The following CLEC16A variants were observed in gnomAD, a reference collection of about 807,000 sequenced individuals.
CLEC16A encodes the protein protein CLEC16A.
CLEC16A carries 51 observed loss-of-function variants against 109.5 expected under a neutral mutation model. The ratio of observed to expected loss-of-function variants is 0.47; its 90% CI spans 0.37 to 0.59. The LOEUF (loss-of-function observed/expected upper bound fraction) is 0.59, where lower values mean the gene tolerates loss of function less well. CLEC16A is among the 20% of genes least tolerant of loss of function. The pLI, the probability that CLEC16A is intolerant of heterozygous loss-of-function variation, is 0.00. For missense variants in CLEC16A, 1,339 were observed against 1,394.0 expected, an observed-to-expected ratio of 0.96 and a Z score of 0.63; for synonymous variants, 673 against 564.2, an observed-to-expected ratio of 1.19 and a Z score of -2.73.
intron 10 of CLEC16A, among the ~76,000 whole-genome samples, chr16:10,990,688 G>T (rs1274878863): frequency 6.6e-6 from 1 of 152,238 alleles, no homozygotes; most frequent in South Asian, 2.1e-4. Context: ...TATCTGTCCT[G>T]CAGTGTGTGA....
rs751260951 is a variant in CLEC16A at position 11,039,756 on chromosome 16, A to C, written c.1540A>C (p.Met514Leu). 1 of 1,598,454 alleles carries C rather than the reference A, an allele frequency of 6.3e-7. No homozygotes were observed. Among genetic ancestry groups the C allele is most frequent in the East Asian group, 2.3e-5 (1 of 44,166 alleles). ...TACATCCTTCTCCTCTGTTCCAGGCATGGATCCTGAAAAATTAGAGCGAAT... is the reference window on the plus strand; with the variant it reads ...TACATCCTTCTCCTCTGTTCCAGGCCTGGATCCTGAAAAATTAGAGCGAAT... ...LLYAMSHNKG[M>L]DPEKLERIQL... Residue 514 changes from methionine (M) to leucine (L), a missense_variant and splice_region_variant, in exon 14 of 24, where the codon ATG becomes CTG. By Grantham distance (15) the Met-to-Leu change is conservative (BLOSUM62 2). Coordinates refer to ENST00000409790, the MANE Select transcript of CLEC16A (RefSeq NM_015226.3).
rs373337818 is a variant in CLEC16A, at chr16:10,972,012, A to G, written c.599-542A>G. Among the ~76,000 whole-genome samples, 7 of 152,344 alleles carry G rather than the reference A, an allele frequency of 4.6e-5. No homozygotes were observed. In the South Asian group the frequency reaches 1.4e-3, roughly 32 times the overall value. On this transcript the variant is annotated intron_variant, in intron 5 of 23. Transcript: ENST00000409790. ...CACTCCAGCCTAGCACTGGGCTTAC[A>G]TTAAATTTAAGAACCTTTCTAAGAG...
rs771304504 is a variant in CLEC16A at position 11,003,082 on chromosome 16, C to G, written c.1080C>G (p.Pro360=). ...EQDIQRSSAK[P]SIRCFIKPTE... ...TCGTTGGACTTTCCTAGGCCAAGCC[C>G]AGCATTCGGTGCTTCATTAAACCCA... Residue 360 remains proline (P), a synonymous_variant, in exon 11 of 24, where the codon CCC becomes CCG. Transcript: ENST00000409790. 11 of 1,610,380 alleles carry G rather than the reference C, an allele frequency of 6.8e-6. No individual in the cohort carries two copies. The highest frequency in any genetic ancestry group is 9.3e-6 in the Non-Finnish European group (11 of 1,178,902).
intron 18 of CLEC16A, 122 bp from the exon 19 acceptor site, chr16:11,060,780 G>A (rs2048438704): frequency 2.0e-6 from 2 of 1,024,828 alleles, no homozygotes; most frequent in South Asian, 2.2e-5. Flanking sequence ...CCGAAGAGGT[G>A]GGCTTTATTG....
intron 22 of CLEC16A, among the ~76,000 whole-genome samples, chr16:11,144,376 C>T (rs2053966479): frequency 6.6e-6 from 1 of 152,168 alleles, no homozygotes; most frequent in Non-Finnish European, 1.5e-5. Flanking sequence ...TCCAGGCAGA[C>T]AGCTGTGTTC....
At chr16:11,169,205 C>T (rs1398950604) in intron 23 of CLEC16A, among the ~76,000 whole-genome samples, 1 of 152,214 alleles carries the variant, frequency 6.6e-6, no homozygotes, top group African/African-American at 2.4e-5. Flanking sequence ...AGGAAGCTCC[C>T]TTTTGTAGAG....
At chr16:11,004,771 G>T (rs1371314279) in intron 11 of CLEC16A, among the ~76,000 whole-genome samples, 1 of 152,084 alleles carries the variant, frequency 6.6e-6, no homozygotes, top group Non-Finnish European at 1.5e-5. Flanking sequence ...GTGCCACCGA[G>T]ACCTCTTTTT....
intron 19 of CLEC16A, among the ~76,000 whole-genome samples, chr16:11,119,425 G>A (rs759228613): frequency 1.4e-4 from 22 of 152,122 alleles, no homozygotes; most frequent in Non-Finnish European, 2.6e-4. Context: ...CCAGGTCTCT[G>A]TCATCCAGGC....
rs753891555 is a variant in CLEC16A at position 11,083,133 on chromosome 16, T to TTTG, written c.2116+22129_2116+22131dup. 5.3e-3 allele frequency among the ~76,000 whole-genome samples: 791 copies of TTTG among 150,148 alleles called. 6 individuals carry two copies. Among genetic ancestry groups the TTTG allele is most frequent in the Non-Finnish European group, 7.9e-3 (535 of 67,628 alleles). On this transcript the variant is annotated intron_variant, in intron 19 of 23. Coordinates refer to ENST00000409790, the MANE Select transcript of CLEC16A (RefSeq NM_015226.3). ...GTAGGGGGATTGAGGTTTTGTTTGTTTTGTTGTTGTTGTTGTTGTTTGTTT... is the reference window on the plus strand; with the variant it reads ...GTAGGGGGATTGAGGTTTTGTTTGTTTTGTTGTTGTTGTTGTTGTTGTTTGTTT...
intron 18 of CLEC16A, among the ~76,000 whole-genome samples, chr16:11,056,065 A>T (rs1477559160): frequency 6.6e-6 from 1 of 152,230 alleles, no homozygotes; most frequent in Non-Finnish European, 1.5e-5. Flanking sequence ...AGGGAAATTC[A>T]TGTTGAAATG....
intron 10 of CLEC16A, among the ~76,000 whole-genome samples, chr16:11,002,561 T>C (rs781096378): frequency 5.3e-5 from 8 of 152,206 alleles, no homozygotes; most frequent in Non-Finnish European, 1.2e-4. Context: ...ATGTATTGCA[T>C]TGTGGTGAAG....
chr16:11,130,929 T>G (rs2053164685), intron 22 of CLEC16A, among the ~76,000 whole-genome samples: 1 of 152,250 alleles, frequency 6.6e-6, no homozygotes, highest in Non-Finnish European at 1.5e-5. Flanking sequence ...GATGAAAATA[T>G]GCCTTTCATT....
At chr16:11,075,474 T>C (rs544043110) in intron 19 of CLEC16A, among the ~76,000 whole-genome samples, 26 of 151,892 alleles carry the variant, frequency 1.7e-4, no homozygotes, top group Admixed American at 7.9e-4. Flanking sequence ...TGTCACTTTG[T>C]TGCTTTGGCT....
At position 10,978,698 on chromosome 16, in the gene CLEC16A, G is replaced by A. The variant is rs1027931515; in HGVS notation, c.904-631G>A. Among the ~76,000 whole-genome samples, 6 of 152,170 alleles carry A rather than the reference G, an allele frequency of 3.9e-5. No individual in the cohort carries two copies. In the East Asian group the frequency reaches 7.7e-4, roughly 20 times the overall value. ...GAGAAGACTATAAAGGTGAATAAGC[G>A]CCTTAGCTTTACCAGAGGCAGCTCT... On this transcript the variant is annotated intron_variant, in intron 8 of 23. Transcript: ENST00000409790.
intron 23 of CLEC16A, among the ~76,000 whole-genome samples, chr16:11,173,959 T>TG (rs35449678): frequency 6.6e-6 from 1 of 152,074 alleles, no homozygotes; most frequent in Non-Finnish European, 1.5e-5. Flanking sequence ...GGGGGTTGCA[T>TG]GGGGGGTGTC....
intron 19 of CLEC16A, among the ~76,000 whole-genome samples, chr16:11,067,401 C>T (rs984885154): frequency 4.6e-5 from 7 of 151,438 alleles, no homozygotes; most frequent in Non-Finnish European, 8.8e-5. Flanking sequence ...AGGAGGGGCC[C>T]ATTTGAGGGC....
At chr16:11,017,282 C>G (rs983175023) in intron 11 of CLEC16A, among the ~76,000 whole-genome samples, 1 of 152,172 alleles carries the variant, frequency 6.6e-6, no homozygotes, top group Non-Finnish European at 1.5e-5. Context: ...CTGTGCCAGA[C>G]ACTGGATTAG....
At chr16:11,049,626 G>A (rs948399500) in intron 17 of CLEC16A, among the ~76,000 whole-genome samples, 2 of 152,256 alleles carry the variant, frequency 1.3e-5, no homozygotes, top group Non-Finnish European at 2.9e-5. Flanking sequence ...CAGCTTCTGA[G>A]TGGAAGGGGG....
chr16:11,155,072 G>A (rs1432462260), intron 22 of CLEC16A, among the ~76,000 whole-genome samples: 1 of 152,176 alleles, frequency 6.6e-6, no homozygotes, highest in African/African-American at 2.4e-5. Context: ...GCTGCAGTGA[G>A]CCGGGATCAT....
Sources: gnomAD v4.1 joint callset for allele counts (sites outside exome capture counted in the v4.1 genomes callset) on GRCh38, gnomAD v4.1.1 for gene constraint, MANE v1.5 for transcripts, NCBI Gene and HGNC (gene_info 2026-07-23, HGNC 2026-07-21) for gene names.